Variants in TNIP2 observed in about 807,000 individuals in gnomAD.
The protein encoded by TNIP2 is TNFAIP3 interacting protein 2.
A neutral mutation model predicts 43.7 loss-of-function variants in TNIP2; 30 were observed. The observed-to-expected ratio is 0.69, with a 90% confidence interval of 0.51 to 0.93. The LOEUF (loss-of-function observed/expected upper bound fraction) is 0.93, where lower values mean the gene tolerates loss of function less well. TNIP2 is among the 40% of genes least tolerant of loss of function. The pLI is 0.00. For missense variants in TNIP2, 599 were observed against 591.0 expected (o/e 1.01, Z -0.14); for synonymous variants, 260 against 254.6 (o/e 1.02, Z -0.20).
intron 1 of TNIP2, among the ~76,000 whole-genome samples, chr4:2,750,489 T>A (rs113317374): frequency 0.055 from 8,311 of 151,746 alleles, 608 homozygotes; most frequent in African/African-American, 0.17. Context: ...TACAGTGGTA[T>A]AATCACAGCT....
rs1172738720 is a variant in TNIP2, at chr4:2,743,363, C to A, written c.1027-843G>T. Among the ~76,000 whole-genome samples, 4 of 152,224 alleles carry A rather than the reference C, an allele frequency of 2.6e-5. No individual in the cohort carries two copies. The East Asian group carries it at 5.8e-4, about 22-fold the overall frequency. On this transcript the variant is annotated intron_variant, in intron 5 of 5. Coordinates refer to ENST00000315423, the MANE Select transcript of TNIP2 (RefSeq NM_024309.4). Reference sequence around the variant, plus strand: ...ACCAGTTCATCTGGTCCAAAATCTTCAAGAGGCGGCCTGAGACCATCCTCA... The same window carrying A: ...ACCAGTTCATCTGGTCCAAAATCTTAAAGAGGCGGCCTGAGACCATCCTCA...
At chr4:2,746,291 G>A (rs564798842) in intron 2 of TNIP2, 1 of 152,372 alleles carries the variant, frequency 6.6e-6, no homozygotes, top group Admixed American at 6.5e-5. Context: ...TCCTAACACA[G>A]CCTACACCGG....
At chr4:2,742,650 C>A in intron 5 of TNIP2, 130 bp from the exon 6 acceptor site, 1 of 1,018,634 alleles carries the variant, frequency 9.8e-7, no homozygotes, top group South Asian at 1.9e-5. Flanking sequence ...TTGCTTCCTG[C>A]TGCGCCCCAG....
chr4:2,755,864 AC>A, intron 1 of TNIP2, 149 bp downstream of exon 1: 3 of 947,002 alleles, frequency 3.2e-6, no homozygotes, highest in Non-Finnish European at 3.9e-6. Flanking sequence ...TGCTCCCCCA[AC>A]CCCTCAGGAC....
chr4:2,746,002 G>A (rs1351985184), intron 2 of TNIP2: 7 of 174,864 alleles, frequency 4.0e-5, no homozygotes, highest in South Asian at 1.3e-4. Context: ...GCTGCCCAGG[G>A]TGGGCCTGGC....
chr4:2,754,486 G>A (rs934347822), intron 1 of TNIP2, among the ~76,000 whole-genome samples: 2 of 152,328 alleles, frequency 1.3e-5, no homozygotes, highest in East Asian at 1.9e-4. Context: ...GCACAATCTC[G>A]GCTCACTGCA....
chr4:2,747,959 T>G lies in TNIP2; in HGVS notation c.277-14A>C. 1 of 1,607,144 alleles carries G rather than the reference T, an allele frequency of 6.2e-7. No homozygotes were observed. Among genetic ancestry groups the G allele is most frequent in the Non-Finnish European group, 8.5e-7 (1 of 1,178,014 alleles). ...CCTCTCAATTTCCTAAGTGGAAGAT[T>G]TAAAAGCACAGTTTACTGAATTAAA... On this transcript the variant is annotated splice_polypyrimidine_tract_variant and intron_variant, in intron 1 of 5. Transcript: ENST00000315423.
In TNIP2 at chr4:2,742,075, CCCTGTGA is replaced by C. The variant is rs1366183561; in HGVS notation, c.*175_*181del. 5.9e-6 allele frequency: 3 copies of C among 505,542 alleles called. No homozygotes were observed. Among genetic ancestry groups the C allele is most frequent in the Non-Finnish European group, 9.4e-6 (3 of 319,676 alleles). The allele number at this position is 505,542 out of a possible 1,614,324, so 31.3% of individuals were successfully genotyped here. A position where few individuals can be genotyped will look rare whatever the true frequency, so the allele number is the denominator to read the frequency against. On this transcript the variant is annotated 3_prime_UTR_variant, in exon 6 of 6. Transcript: ENST00000315423. ...CCAGCCTCCAGCCTCACTGGCAGTT[CCCTGTGA>C]CCCAGCCTGTTCCATAGCCAAAGGG...
chr4:2,751,576 C>G (rs1722103299), intron 1 of TNIP2, among the ~76,000 whole-genome samples: 1 of 151,682 alleles, frequency 6.6e-6, no homozygotes, highest in African/African-American at 2.4e-5. Flanking sequence ...TTGGGACTAG[C>G]CTGGGCAACA....
Position 2,744,846 on chromosome 4 carries a change from CGT to C in TNIP2, c.755_756del (p.His252ArgfsTer22), listed in dbSNP as rs1357854649. The C allele has an allele frequency of 6.2e-7, 1 of 1,613,968 alleles. No homozygotes were observed. Among genetic ancestry groups the C allele is most frequent in the Non-Finnish European group, 8.5e-7 (1 of 1,180,040 alleles). On this transcript the variant is annotated frameshift_variant, in exon 4 of 6. Coordinates refer to ENST00000315423, the MANE Select transcript of TNIP2 (RefSeq NM_024309.4). LOFTEE classifies it high-confidence loss of function. The surrounding 1 kb of genome is among the most constrained non-coding windows in gnomAD (Gnocchi z 5.1). The stretch of plus-strand genomic sequence containing the variant: ...ATCTCCTTCCTCATCAGCTCGGGCT[CGT>C]GGGGGATCTGCAGCCCCCTGAGCTG... ...HAQLRGLQIP[H>X]EPELMRKEIS...
At chr4:2,748,249 C>T (rs1206632090) in intron 1 of TNIP2, among the ~76,000 whole-genome samples, 1 of 152,012 alleles carries the variant, frequency 6.6e-6, no homozygotes, top group Admixed American at 6.6e-5. Flanking sequence ...AATCTTGGCT[C>T]GCTGCAACCT....
chr4:2,755,183 GCGTA>G (rs1333340300), intron 1 of TNIP2, among the ~76,000 whole-genome samples: 5 of 151,850 alleles, frequency 3.3e-5, no homozygotes, highest in Admixed American at 1.3e-4. Context: ...ACACATGTGT[GCGTA>G]CACACACACA....
intron 1 of TNIP2, among the ~76,000 whole-genome samples, chr4:2,751,725 A>G (rs1722106910): frequency 6.6e-6 from 1 of 151,870 alleles, no homozygotes; most frequent in South Asian, 2.1e-4. Context: ...GTGAGCTATG[A>G]TCATGCTACT....
chr4:2,747,568 C>T, intron 2 of TNIP2, 87 bp downstream of exon 2: 2 of 1,411,476 alleles, frequency 1.4e-6, no homozygotes, highest in South Asian at 2.6e-5. Flanking sequence ...TTCTGGGGCG[C>T]CCCCCCACCT....
At chr4:2,745,322 G>C (rs1368542474) in intron 3 of TNIP2, 124 bp downstream of exon 3, 1 of 738,012 alleles carries the variant, frequency 1.4e-6, no homozygotes, top group Non-Finnish European at 2.4e-6. Flanking sequence ...TCTAGGGACT[G>C]TGTGTATCAA....
rs934319095 is a variant in TNIP2, at chr4:2,744,642, A to G, written c.906+55T>C. On this transcript the variant is annotated intron_variant, in intron 4 of 5. Coordinates refer to ENST00000315423, the MANE Select transcript of TNIP2 (RefSeq NM_024309.4). This position sits in a 1 kb window ranked among gnomAD's most constrained non-coding sequence, Gnocchi z 5.1. Reference sequence around the variant, plus strand: ...CCCAGCCTGTCCCATGATTTCGGCCACCACCGGCCAGCAGACATCTGGTCA... The same window carrying G: ...CCCAGCCTGTCCCATGATTTCGGCCGCCACCGGCCAGCAGACATCTGGTCA... 1.3e-6 allele frequency: 2 copies of G among 1,582,014 alleles called. No homozygotes were observed. Among genetic ancestry groups the G allele is most frequent in the South Asian group, 2.3e-5 (2 of 88,410 alleles).
At chr4:2,749,499 T>C (rs780787929) in intron 1 of TNIP2, among the ~76,000 whole-genome samples, 1 of 152,160 alleles carries the variant, frequency 6.6e-6, no homozygotes, top group East Asian at 1.9e-4. Flanking sequence ...GACAGAAGTC[T>C]GGACAGACAC....
Position 2,752,062 on chromosome 4 carries a change from G to A in TNIP2, c.276+3952C>T, listed in dbSNP as rs140777686. ...GGAGGTTGCACTGAGCCAAGATCCC[G>A]CCACTGCACTCCAGCCTGGCGACAG... is the stretch of plus-strand genomic sequence containing the variant. On this transcript the variant is annotated intron_variant, in intron 1 of 5. Coordinates refer to ENST00000315423, the MANE Select transcript of TNIP2 (RefSeq NM_024309.4). 2.6e-4 allele frequency among the ~76,000 whole-genome samples: 39 copies of A among 147,920 alleles called. No individual in the cohort carries two copies. In the East Asian group the frequency reaches 4.0e-3, roughly 15 times the overall value.
In TNIP2 at chr4:2,744,647, C is replaced by A; in HGVS notation, c.906+50G>T. The stretch of plus-strand genomic sequence containing the variant: ...CCTGTCCCATGATTTCGGCCACCAC[C>A]GGCCAGCAGACATCTGGTCAGTGCC... On this transcript the variant is annotated intron_variant, in intron 4 of 5. Coordinates refer to ENST00000315423, the MANE Select transcript of TNIP2 (RefSeq NM_024309.4). This position sits in a 1 kb window ranked among gnomAD's most constrained non-coding sequence, Gnocchi z 5.1. 6.3e-7 allele frequency: 1 copy of A among 1,584,674 alleles called. No individual in the cohort carries two copies. Among genetic ancestry groups the A allele is most frequent in the Non-Finnish European group, 8.6e-7 (1 of 1,168,924 alleles).
Sources: allele counts gnomAD v4.1 joint callset (sites outside exome capture counted in the v4.1 genomes callset), GRCh38; gene constraint gnomAD v4.1.1; non-coding constraint Gnocchi (gnomAD v3.1); transcripts MANE v1.5; gene names NCBI Gene and HGNC (gene_info 2026-07-23, HGNC 2026-07-21).